Variants in LUZP2 observed in about 807,000 individuals in gnomAD.
LUZP2 encodes the protein leucine zipper protein 2.
A neutral mutation model predicts 51.6 loss-of-function variants in LUZP2; 52 were observed. The observed-to-expected ratio is 1.01, with a 90% CI of 0.81 to 1.27. LUZP2 has a LOEUF of 1.27. LUZP2 is among the 50% of genes most tolerant of loss of function. The pLI is 0.00. For synonymous variants in LUZP2, 154 were observed against 137.3 expected (o/e 1.12, Z -0.85); for missense variants, 436 against 395.4 (o/e 1.10, Z -0.87).
chr11:24,762,128 C>G (rs1458047985), intron 4 of LUZP2, among the ~76,000 whole-genome samples: 2 of 152,030 alleles, frequency 1.3e-5, no homozygotes, highest in African/African-American at 2.4e-5. Flanking sequence ...TGAAATGTTT[C>G]AGAACTAAAT....
chr11:24,645,681 C>T (rs947617511), intron 1 of LUZP2, among the ~76,000 whole-genome samples: 1 of 151,988 alleles, frequency 6.6e-6, no homozygotes, highest in Non-Finnish European at 1.5e-5. Flanking sequence ...ATAGCTTTCA[C>T]AAAAAATTAA....
At chr11:24,851,023 G>T (rs772643921) in intron 5 of LUZP2, among the ~76,000 whole-genome samples, 2 of 152,164 alleles carry the variant, frequency 1.3e-5, no homozygotes, top group Non-Finnish European at 2.9e-5. Context: ...CTGAGATAAT[G>T]GGGTTGTCTA....
chr11:24,525,667 A>C (rs1850775843), intron 1 of LUZP2, among the ~76,000 whole-genome samples: 1 of 151,438 alleles, frequency 6.6e-6, no homozygotes, highest in Non-Finnish European at 1.5e-5. Context: ...TCACACAATT[A>C]GAATAAGATT....
Position 24,532,870 on chromosome 11 carries a change from A to G in LUZP2, c.62+35565A>G, listed in dbSNP as rs1851053698. On this transcript the variant is annotated intron_variant, in intron 1 of 11. Transcript: ENST00000336930. ...TATATTATCAGGTAAATTGTATAAT[A>G]AAACCTTTCATCAAGAAATAACATC... Among the ~76,000 whole-genome samples, 3 of 151,086 alleles carry G rather than the reference A, an allele frequency of 2.0e-5. No individual in the cohort carries two copies. The South Asian group carries it at 6.2e-4, about 31-fold the overall frequency.
intron 5 of LUZP2, among the ~76,000 whole-genome samples, chr11:24,790,188 C>A (rs904312948): frequency 6.6e-6 from 1 of 152,072 alleles, no homozygotes; most frequent in African/African-American, 2.4e-5. Context: ...ACAGCTACTG[C>A]CTTTTTTTGT....
intron 7 of LUZP2, among the ~76,000 whole-genome samples, chr11:24,949,963 C>A (rs889898564): frequency 3.2e-5 from 3 of 93,760 alleles, no homozygotes; most frequent in African/African-American, 1.2e-4. Flanking sequence ...TTCTTTCTTT[C>A]TTTTCTTTTT....
intron 5 of LUZP2, among the ~76,000 whole-genome samples, chr11:24,809,635 C>A (rs1849958043): frequency 6.6e-6 from 1 of 152,070 alleles, no homozygotes; most frequent in African/African-American, 2.4e-5. Context: ...AATCAACTTT[C>A]TGAAAATGAG....
chr11:24,515,797 C>T (rs530772719), intron 1 of LUZP2, among the ~76,000 whole-genome samples: 1 of 152,316 alleles, frequency 6.6e-6, no homozygotes, highest in African/African-American at 2.4e-5. Context: ...ACAGCAGGCT[C>T]TGTGCATCAG....
At chr11:24,967,888 A>G (rs1310896142) in intron 7 of LUZP2, among the ~76,000 whole-genome samples, 1 of 152,142 alleles carries the variant, frequency 6.6e-6, no homozygotes, top group Non-Finnish European at 1.5e-5. Flanking sequence ...GTGACTTTGA[A>G]TCATATATAC....
chr11:24,922,720 A>G (rs1854096152), intron 7 of LUZP2, among the ~76,000 whole-genome samples: 1 of 151,912 alleles, frequency 6.6e-6, no homozygotes, highest in Non-Finnish European at 1.5e-5. Flanking sequence ...TATATGAGTC[A>G]GACAGGGAAG....
At position 24,958,948 on chromosome 11, in the gene LUZP2, G is replaced by A. The variant is rs540093192; in HGVS notation, c.523-17643G>A. ...TTTTTATATAAGGTAGTAAGGAAGGGATCCAGTTTCAGCTTTCTACATATG... is the reference window on the plus strand; with the variant it reads ...TTTTTATATAAGGTAGTAAGGAAGGAATCCAGTTTCAGCTTTCTACATATG... On this transcript the variant is annotated intron_variant, in intron 7 of 11. Transcript: ENST00000336930. Among the ~76,000 whole-genome samples the A allele has an allele frequency of 3.8e-3, 576 of 152,286 alleles. 2 individuals carry two copies. Among genetic ancestry groups the A allele is most frequent in the African/African-American group, 0.013 (539 of 41,558 alleles).
rs577949722 is a variant in LUZP2, at chr11:24,729,560, G to A, written c.180+274G>A. Reference sequence around the variant, plus strand: ...GATCAGTTTGACCCCTGTGTTTTTGGTATTATAAAATGACAAATTATGATC... The same window carrying A: ...GATCAGTTTGACCCCTGTGTTTTTGATATTATAAAATGACAAATTATGATC... On this transcript the variant is annotated intron_variant, in intron 2 of 11. Coordinates refer to ENST00000336930, the MANE Select transcript of LUZP2 (RefSeq NM_001009909.4). Among the ~76,000 whole-genome samples the A allele has an allele frequency of 4.6e-3, 696 of 151,830 alleles. 7 individuals are homozygous for A. Among genetic ancestry groups the A allele is most frequent in the African/African-American group, 0.016 (663 of 41,462 alleles).
intron 5 of LUZP2, among the ~76,000 whole-genome samples, chr11:24,782,857 C>T (rs144375743): frequency 0.012 from 1,823 of 152,106 alleles, 21 homozygotes; most frequent in Non-Finnish European, 0.018. Flanking sequence ...CTTTTATATA[C>T]ATAATTTCAG....
chr11:24,687,743 G>A (rs954949573), intron 1 of LUZP2, among the ~76,000 whole-genome samples: 5 of 152,112 alleles, frequency 3.3e-5, no homozygotes, highest in Non-Finnish European at 7.4e-5. Context: ...AGGCATAACT[G>A]AAACTCAGTA....
chr11:25,043,147 G>C (rs1306803663), intron 9 of LUZP2, among the ~76,000 whole-genome samples: 1 of 152,112 alleles, frequency 6.6e-6, no homozygotes, highest in East Asian at 1.9e-4. Context: ...TCAGAACTGG[G>C]AGAAAATAGA....
At chr11:24,524,729 G>T (rs1189967969) in intron 1 of LUZP2, among the ~76,000 whole-genome samples, 1 of 151,674 alleles carries the variant, frequency 6.6e-6, no homozygotes, top group African/African-American at 2.4e-5. Flanking sequence ...TAGTGTGCTA[G>T]ATAGGACACT....
At position 25,079,679 on chromosome 11, in the gene LUZP2, A is replaced by G. The variant is rs1377048689; in HGVS notation, c.*1021A>G. ...ATAATTGGAAGATAGCTCACAAGCA[A>G]GAGGAATTGACCCTTGAATAATTAT... On this transcript the variant is annotated 3_prime_UTR_variant, in exon 12 of 12. Transcript: ENST00000336930. 1.3e-5 allele frequency: 2 copies of G among 152,220 alleles called. No homozygotes were observed. The highest frequency in any genetic ancestry group is 4.8e-5 in the African/African-American group (2 of 41,474). The allele number at this position is 152,220 out of a possible 1,614,324, so 9.4% of individuals were successfully genotyped here. A position where few individuals can be genotyped will look rare whatever the true frequency, so the allele number is the denominator to read the frequency against.
intron 1 of LUZP2, among the ~76,000 whole-genome samples, chr11:24,619,758 C>A (rs540509399): frequency 6.6e-6 from 1 of 151,980 alleles, no homozygotes; most frequent in Non-Finnish European, 1.5e-5. Context: ...TTACATAATA[C>A]CTAATACAGT....
At chr11:24,965,659 A>G in intron 7 of LUZP2, among the ~76,000 whole-genome samples, 1 of 151,994 alleles carries the variant, frequency 6.6e-6, no homozygotes, top group East Asian at 1.9e-4. Context: ...AATTTTACAT[A>G]TAAATTTTTT....
Sources: allele counts gnomAD v4.1 joint callset (sites outside exome capture counted in the v4.1 genomes callset), GRCh38; gene constraint gnomAD v4.1.1; transcripts MANE v1.5; gene names NCBI Gene and HGNC (gene_info 2026-07-23, HGNC 2026-07-21).